The following SEL1L variants were observed in gnomAD, a reference collection of about 807,000 sequenced individuals.
The protein encoded by SEL1L is SEL1L adaptor subunit of SYVN1 ubiquitin ligase.
In SEL1L, 52 loss-of-function variants were observed where a neutral mutation model predicts 109.8. That is an observed-to-expected ratio of 0.47 (90% CI 0.38 to 0.60). SEL1L has a LOEUF of 0.60. Among genes scored for constraint, SEL1L ranks in the 20% least tolerant of loss-of-function variants. SEL1L has a pLI of 0.00. For missense variants in SEL1L, 749 were observed against 962.2 expected, an observed-to-expected ratio of 0.78 and a Z score of 2.93; for synonymous variants, 373 against 339.6, an observed-to-expected ratio of 1.10 and a Z score of -1.08.
chr14:81,481,326 C>A (rs778470367), intron 19 of SEL1L, among the ~76,000 whole-genome samples: 5 of 152,164 alleles, frequency 3.3e-5, no homozygotes, highest in Non-Finnish European at 5.9e-5. Flanking sequence ...AATGACTCCC[C>A]CTCCAAACAT....
intron 8 of SEL1L, 62 bp downstream of exon 8, chr14:81,499,397 C>T (rs745482397): frequency 9.6e-6 from 15 of 1,567,582 alleles, no homozygotes; most frequent in Admixed American, 2.1e-5. Context: ...AAGTTGTGGC[C>T]GCTATAAACC....
intron 3 of SEL1L, among the ~76,000 whole-genome samples, chr14:81,521,783 C>T (rs1435917208): frequency 2.6e-5 from 4 of 152,042 alleles, no homozygotes. Context: ...TTAGCATGTA[C>T]TCCTACTTAT....
intron 19 of SEL1L, among the ~76,000 whole-genome samples, chr14:81,482,453 T>G (rs1253538596): frequency 6.6e-6 from 1 of 152,144 alleles, no homozygotes; most frequent in African/African-American, 2.4e-5. Context: ...CCAAGGCGCT[T>G]AAGTCCCCAG....
chr14:81,502,124 A>G (rs1331936311), intron 6 of SEL1L, among the ~76,000 whole-genome samples: 1 of 152,102 alleles, frequency 6.6e-6, no homozygotes, highest in African/African-American at 2.4e-5. Context: ...ATGACTTAAA[A>G]TGTGCTGGGA....
At chr14:81,527,168 G>T (rs1885145385) in intron 2 of SEL1L, among the ~76,000 whole-genome samples, 1 of 152,034 alleles carries the variant, frequency 6.6e-6, no homozygotes, top group South Asian at 2.1e-4. Context: ...TTTCAACTTA[G>T]ATGTTACTTC....
chr14:81,480,745 G>C (rs771828826), intron 19 of SEL1L, among the ~76,000 whole-genome samples: 3 of 152,120 alleles, frequency 2.0e-5, no homozygotes, highest in African/African-American at 7.2e-5. Flanking sequence ...TTTACAAGAG[G>C]TACTTGCATG....
intron 5 of SEL1L, among the ~76,000 whole-genome samples, chr14:81,503,475 G>C (rs185085259): frequency 2.1e-3 from 323 of 152,130 alleles, no homozygotes; most frequent in Middle Eastern, 0.014. Flanking sequence ...AAGTAGCAGG[G>C]ACCACAGTGT....
intron 3 of SEL1L, among the ~76,000 whole-genome samples, chr14:81,516,104 A>T (rs1175620841): frequency 6.6e-6 from 1 of 152,196 alleles, no homozygotes; most frequent in East Asian, 1.9e-4. Context: ...TGGAAGGTGC[A>T]CTGCCCCAGA....
Position 81,479,628 on chromosome 14 carries a change from T to G in SEL1L, c.2159A>C (p.Tyr720Ser), listed in dbSNP as rs768270138. The change falls in exon 20 of 21, where the codon TAC becomes TCC. Residue 720 changes from tyrosine to serine, a missense_variant. By Grantham distance (144) the Tyr-to-Ser change is moderately radical (BLOSUM62 -2). This residue lies in a region of SEL1L where 383 missense variants were observed against 562.5 expected (regional missense o/e 0.68). Transcript: ENST00000336735. Reference sequence around the variant, plus strand: ...ACCACTTACGTTTGTTTCCCGTATGTACTGCAAGAAATAGACGACGCCCAA... The same window carrying G: ...ACCACTTACGTTTGTTTCCCGTATGGACTGCAAGAAATAGACGACGCCCAA... ...CKLGVVYFLQYIRETNIRDMF... is the reference protein window; with the variant it reads ...CKLGVVYFLQSIRETNIRDMF... 3.7e-6 allele frequency: 6 copies of G among 1,613,004 alleles called. No individual in the cohort carries two copies. The highest frequency in any genetic ancestry group is 5.1e-6 in the Non-Finnish European group (6 of 1,179,656).
intron 11 of SEL1L, among the ~76,000 whole-genome samples, chr14:81,492,971 T>C (rs141721402): frequency 2.2e-3 from 332 of 152,348 alleles, no homozygotes; most frequent in African/African-American, 7.6e-3. Flanking sequence ...TTTTCATTGT[T>C]GTCTAAAGGA....
intron 19 of SEL1L, among the ~76,000 whole-genome samples, chr14:81,481,620 G>C (rs946921404): frequency 2.6e-5 from 4 of 152,090 alleles, no homozygotes; most frequent in African/African-American, 9.7e-5. Flanking sequence ...TCCAATTATA[G>C]TCAATCCTCA....
chr14:81,490,543 G>A, intron 12 of SEL1L, 78 bp from the exon 13 acceptor site: 1 of 1,101,470 alleles, frequency 9.1e-7, no homozygotes, highest in Non-Finnish European at 1.4e-6. Flanking sequence ...CATCTCCTTT[G>A]AGTTTTGTCA....
chr14:81,498,219 T>A (rs1423781661), intron 9 of SEL1L, 173 bp from the exon 10 acceptor site: 1 of 849,476 alleles, frequency 1.2e-6, no homozygotes, highest in Non-Finnish European at 1.8e-6. Flanking sequence ...ATTGAACTTT[T>A]TTCACAACGT....
chr14:81,516,414 CT>C (rs1428230736), intron 3 of SEL1L, among the ~76,000 whole-genome samples: 1 of 152,180 alleles, frequency 6.6e-6, no homozygotes, highest in Admixed American at 6.5e-5. Context: ...TTTCACATGC[CT>C]TTGTTATGCC....
chr14:81,512,124 T>C (rs1369559469), intron 3 of SEL1L, among the ~76,000 whole-genome samples: 2 of 152,178 alleles, frequency 1.3e-5, no homozygotes, highest in East Asian at 1.9e-4. Context: ...GTTCTGGAAG[T>C]TTCTATGAAG....
intron 8 of SEL1L, chr14:81,498,950 G>A (rs576431165): frequency 3.9e-6 from 1 of 254,572 alleles, no homozygotes; most frequent in African/African-American, 2.3e-5. Flanking sequence ...AGAATAAATG[G>A]GAAGACAGCC....
rs1372449902 is a variant in SEL1L at position 81,474,040 on chromosome 14, T to C, written c.*2932A>G. ...GGCTTAGTGGTAAGACTCTCACATG[T>C]AAGGTAAAAATTAACCTAATATGCA... On this transcript the variant is annotated 3_prime_UTR_variant, in exon 21 of 21. Transcript: ENST00000336735. The C allele has an allele frequency of 6.6e-6, 1 of 152,036 alleles. No homozygotes were observed. The highest frequency in any genetic ancestry group is 1.5e-5 in the Non-Finnish European group (1 of 67,996). The allele number at this position is 152,036 out of a possible 1,614,324, so 9.4% of individuals were successfully genotyped here. A position where few individuals can be genotyped will look rare whatever the true frequency, so the allele number is the denominator to read the frequency against.
At position 81,483,930 on chromosome 14, in the gene SEL1L, G is replaced by A. The variant is rs892278191; in HGVS notation, c.2046+295C>T. Among the ~76,000 whole-genome samples, 11 of 152,154 alleles carry A rather than the reference G, an allele frequency of 7.2e-5. No homozygotes were observed. In the East Asian group the frequency reaches 9.6e-4, roughly 13 times the overall value. The stretch of plus-strand genomic sequence containing the variant: ...TTGAAAAAAATAGAATTTGGCTGAC[G>A]ATGGACAGATAGTTTCTCAAACAAG... On this transcript the variant is annotated intron_variant, in intron 19 of 20. Transcript: ENST00000336735.
chr14:81,512,386 T>C (rs1440734307), intron 3 of SEL1L, among the ~76,000 whole-genome samples: 3 of 152,230 alleles, frequency 2.0e-5, no homozygotes, highest in Non-Finnish European at 4.4e-5. Flanking sequence ...ATTGACATTC[T>C]TGTAGGTGGC....
Sources: allele counts gnomAD v4.1 joint callset (sites outside exome capture counted in the v4.1 genomes callset), GRCh38; gene constraint gnomAD v4.1.1; regional missense constraint gnomAD v4.1.1; transcripts MANE v1.5; gene names NCBI Gene and HGNC (gene_info 2026-07-23, HGNC 2026-07-21).